Variants in NECAB3 observed in about 807,000 individuals in gnomAD.
NECAB3 encodes N-terminal EF-hand calcium binding protein 3.
A neutral mutation model predicts 57.2 loss-of-function variants in NECAB3; 38 were observed. The ratio of observed to expected loss-of-function variants is 0.66; its 90% CI spans 0.51 to 0.87. The LOEUF is 0.87. NECAB3 is among the 40% of genes least tolerant of loss of function. NECAB3 has a pLI of 0.00. For missense variants in NECAB3, 474 were observed against 527.5 expected (o/e 0.90, Z 0.99); for synonymous variants, 223 against 222.6 (o/e 1.00, Z -0.02).
chr20:33,671,216 G>A (rs550526109), intron 2 of NECAB3, among the ~76,000 whole-genome samples: 5 of 152,280 alleles, frequency 3.3e-5, no homozygotes, highest in South Asian at 2.1e-4. Flanking sequence ...GAGAAGCCAC[G>A]GGGAGGCAGA....
chr20:33,674,451 G>A (rs886285366), upstream of NECAB3: 4 of 990,502 alleles, frequency 4.0e-6, no homozygotes, highest in African/African-American at 3.5e-5. Context: ...CGCCGGCGCC[G>A]ACGCGCGGGC....
chr20:33,659,661 C>T lies in NECAB3; in HGVS notation c.715G>A (p.Glu239Lys), dbSNP rs749527745. ...NRLQELIDQL[E>K]CKVRAVGPGP... Reference sequence around the variant, plus strand: ...GGCCCCACGGCCCTCACCTTGCACTCGAGCTGGTCGATGAGCTCCTGGAGG... The same window carrying T: ...GGCCCCACGGCCCTCACCTTGCACTTGAGCTGGTCGATGAGCTCCTGGAGG... The change falls in exon 8 of 12, where the codon GAG becomes AAG. Residue 239 changes from glutamate to lysine, a missense_variant. Coordinates refer to ENST00000246190, the MANE Select transcript of NECAB3 (RefSeq NM_031232.4). The T allele has an allele frequency of 5.6e-6, 9 of 1,610,810 alleles. No homozygotes were observed. The highest frequency in any genetic ancestry group is 3.3e-5 in the South Asian group (3 of 90,886).
At chr20:33,663,149 G>T (rs2017534217) in intron 5 of NECAB3, among the ~76,000 whole-genome samples, 1 of 152,220 alleles carries the variant, frequency 6.6e-6, no homozygotes, top group Non-Finnish European at 1.5e-5. Flanking sequence ...TCAGCTCCTA[G>T]GCTCAGAACT....
chr20:33,661,503 TCAGA>T (rs2017475049), intron 5 of NECAB3, among the ~76,000 whole-genome samples: 1 of 152,220 alleles, frequency 6.6e-6, no homozygotes, highest in African/African-American at 2.4e-5. Flanking sequence ...CTTTTCATTC[TCAGA>T]CAGGCCAGGG....
At chr20:33,668,837 G>T (rs2122512466) in intron 5 of NECAB3, among the ~76,000 whole-genome samples, 1 of 152,318 alleles carries the variant, frequency 6.6e-6, no homozygotes, top group East Asian at 1.9e-4. Context: ...TTATTTTTTG[G>T]AAGTCACCAC....
chr20:33,660,189 G>T lies in NECAB3; in HGVS notation c.524+70C>A. 6.3e-7 allele frequency: 1 copy of T among 1,577,128 alleles called. No individual in the cohort carries two copies. Among genetic ancestry groups the T allele is most frequent in the South Asian group, 1.1e-5 (1 of 88,664 alleles). ...GCAGGCTCCAGGATGCTGGGACTGT[G>T]GGGATTTGGAATGGGGGTACAATGG... On this transcript the variant is annotated intron_variant, in intron 6 of 11. Transcript: ENST00000246190. This position sits in a 1 kb window ranked among gnomAD's most constrained non-coding sequence, Gnocchi z 4.1.
intron 1 of NECAB3, among the ~76,000 whole-genome samples, chr20:33,673,856 C>A (rs151065253): frequency 1.3e-3 from 195 of 152,194 alleles, no homozygotes; most frequent in Non-Finnish European, 2.3e-3. Context: ...GGGGGCGGCA[C>A]TAGAGTCAGG....
At chr20:33,662,235 T>C in intron 5 of NECAB3, 1 of 1,420,668 alleles carries the variant, frequency 7.0e-7, no homozygotes, top group Non-Finnish European at 9.5e-7. Context: ...AAGGCGGTGC[T>C]CAGAGCCTGC....
rs182612849 is a variant in NECAB3, at chr20:33,659,835, G to A, written c.643+50C>T. On this transcript the variant is annotated intron_variant, in intron 7 of 11. Transcript: ENST00000246190. ...GAAGGAGCGGGCCCTGGGGGAAGGGGGGATGCGGTGCCTGCCTCGGCCAGG... is the reference window on the plus strand; with the variant it reads ...GAAGGAGCGGGCCCTGGGGGAAGGGAGGATGCGGTGCCTGCCTCGGCCAGG... 733 of 1,535,018 alleles carry A rather than the reference G, an allele frequency of 4.8e-4. 9 individuals carry two copies. The African/African-American group carries it at 9.1e-3, about 19-fold the overall frequency.
chr20:33,670,369 A>G, intron 3 of NECAB3: 1 of 326,096 alleles, frequency 3.1e-6, no homozygotes, highest in East Asian at 6.0e-5. Context: ...TATGCACTGC[A>G]TTCTCGGGTG....
At chr20:33,658,884 G>A in intron 8 of NECAB3, 50 bp from the exon 9 acceptor site, 2 of 1,389,706 alleles carry the variant, frequency 1.4e-6, no homozygotes, top group Non-Finnish European at 2.0e-6. Flanking sequence ...GCACAGGGGA[G>A]GGACTGGCTG....
intron 5 of NECAB3, chr20:33,668,280 C>T: frequency 6.5e-7 from 1 of 1,541,152 alleles, no homozygotes; most frequent in Non-Finnish European, 8.8e-7. Flanking sequence ...GGGGACAGCT[C>T]TCTATCTAAA....
In NECAB3 at chr20:33,657,687, T is replaced by C. The variant is rs532196649; in HGVS notation, c.*142A>G. 5 of 777,206 alleles carry C rather than the reference T, an allele frequency of 6.4e-6. No homozygotes were observed. Among genetic ancestry groups the C allele is most frequent in the African/African-American group, 5.3e-5 (3 of 56,906 alleles). The allele number at this position is 777,206 out of a possible 1,614,324, so 48.1% of individuals were successfully genotyped here. A position where few individuals can be genotyped will look rare whatever the true frequency, so the allele number is the denominator to read the frequency against. ...AATAGAAAGCAAGCAGCCCAGTCCCTGATCCCTGGGCTGAGAGCCCTTCCA... is the reference window on the plus strand; with the variant it reads ...AATAGAAAGCAAGCAGCCCAGTCCCCGATCCCTGGGCTGAGAGCCCTTCCA... On this transcript the variant is annotated 3_prime_UTR_variant, in exon 12 of 12. Coordinates refer to ENST00000246190, the MANE Select transcript of NECAB3 (RefSeq NM_031232.4).
At chr20:33,672,862 C>A (rs888787795) in intron 1 of NECAB3, among the ~76,000 whole-genome samples, 1 of 152,180 alleles carries the variant, frequency 6.6e-6, no homozygotes, top group Non-Finnish European at 1.5e-5. Context: ...CCATGGTCTA[C>A]CCCAGCTGCC....
At chr20:33,669,949 G>A (rs1426952925) in intron 3 of NECAB3, among the ~76,000 whole-genome samples, 4 of 152,236 alleles carry the variant, frequency 2.6e-5, no homozygotes, top group African/African-American at 7.2e-5. Context: ...TGGCTACCAA[G>A]AGGATCTCAG....
In NECAB3 at chr20:33,658,760, G is replaced by A. The variant is rs371392189; in HGVS notation, c.954C>T (p.Cys318=). ...TCTGGGCCCCTGTGAAGTCCACATA[G>A]CAGCGCAGGGCTCGGTGGAAGTCCT... The part of the protein sequence containing the change: ...GLQDFHRALR[C]YVDFTGAQSH... The change falls in exon 9 of 12, where the codon TGC becomes TGT. Residue 318 remains cysteine (C), a synonymous_variant. Transcript: ENST00000246190. 20 of 1,613,610 alleles carry A rather than the reference G, an allele frequency of 1.2e-5. No individual in the cohort carries two copies. In the African/African-American group the frequency reaches 2.5e-4, roughly 20 times the overall value.
chr20:33,659,758 A>G, intron 7 of NECAB3, 26 bp from the exon 8 acceptor site: 2 of 1,561,412 alleles, frequency 1.3e-6, no homozygotes, highest in Non-Finnish European at 1.7e-6. Context: ...GTGCAGGGTC[A>G]GGCAGGGGCC....
intron 5 of NECAB3, chr20:33,662,036 T>C (rs2017491105): frequency 4.0e-6 from 1 of 252,952 alleles, no homozygotes; most frequent in South Asian, 6.6e-5. Context: ...GTTGATTACC[T>C]GGGCTAAGGT....
chr20:33,669,117 GAATAA>G, intron 5 of NECAB3: 1 of 519,112 alleles, frequency 1.9e-6, no homozygotes, highest in Non-Finnish European at 3.4e-6. Context: ...GCTGGAAACA[GAATAA>G]AACAGACAAA....
Sources: allele counts gnomAD v4.1 joint callset (sites outside exome capture counted in the v4.1 genomes callset), GRCh38; gene constraint gnomAD v4.1.1; non-coding constraint Gnocchi (gnomAD v3.1); transcripts MANE v1.5; gene names NCBI Gene and HGNC (gene_info 2026-07-23, HGNC 2026-07-21).